MUC6: variants seen among roughly 807,000 people sequenced by gnomAD.
The protein encoded by MUC6 is mucin-6.
MUC6 carries 188 observed loss-of-function variants against 201.5 expected under a neutral mutation model. That is an observed-to-expected ratio of 0.93 (90% confidence interval 0.83 to 1.05). MUC6 has a LOEUF of 1.05. MUC6 is among the 50% of genes least tolerant of loss of function. The pLI is 0.00. For missense variants in MUC6, 2,706 were observed against 3,256.9 expected (o/e 0.83, Z 4.12); for synonymous variants, 1,228 against 1,389.4 (o/e 0.88, Z 2.58).
intron 29 of MUC6, chr11:1,019,878 C>G: frequency 1.4e-6 from 1 of 722,838 alleles, no homozygotes; most frequent in Non-Finnish European, 2.4e-6. Context: ...CAGCCAGCAG[C>G]AAGGAATGCC....
Position 1,018,717 on chromosome 11 carries a change from G to C in MUC6, c.4084C>G (p.Pro1362Ala), listed in dbSNP as rs766445736. ...PGTTATQTTG[P>A]RPTPASTTGP... is the part of the protein sequence containing the mutation. ...GTGGTGCTTGCTGGGGTTGGACGTG[G>C]GCCTGTCGTCTGGGTGGCCGTTGTT... Residue 1362 changes from proline to alanine, a missense_variant, in exon 31 of 33, where the codon CCA (proline) becomes GCA (alanine). Physicochemically the swap from Pro to Ala is conservative, Grantham distance 27 (BLOSUM62 -1). Transcript: ENST00000421673. The C allele has an allele frequency of 1.3e-5, 21 of 1,593,424 alleles. No homozygotes were observed. In the Admixed American group the frequency reaches 3.3e-4, roughly 25 times the overall value.
In MUC6 at chr11:1,032,049, C is replaced by T. The variant is rs200821848; in HGVS notation, c.120G>A (p.Pro40=). The change falls in exon 3 of 33, where the codon CCG becomes CCA. Residue 40 remains proline (P), a synonymous_variant. Coordinates refer to ENST00000421673, the MANE Select transcript of MUC6 (RefSeq NM_005961.3). ...QRLKDSPQTA[P]DKGQCSTWGA... ...CCCACGTGGAGCACTGGCCTTTGTC[C>T]GGGGCTACAGAGAGAGCAGTGCTCA... The T allele has an allele frequency of 3.8e-4, 605 of 1,613,000 alleles. No individual in the cohort carries two copies. Among genetic ancestry groups the T allele is most frequent in the Non-Finnish European group, 4.7e-4 (552 of 1,179,872 alleles).
intron 27 of MUC6, 128 bp from the exon 28 acceptor site, chr11:1,020,862 G>A (rs1856790493): frequency 1.6e-6 from 2 of 1,216,534 alleles, no homozygotes; most frequent in Non-Finnish European, 2.3e-6. Flanking sequence ...TGGAGGGGCT[G>A]GGAGCCCACC....
chr11:1,020,559 C>T lies in MUC6; in HGVS notation c.3640+125G>A, dbSNP rs1428305789. On this transcript the variant is annotated intron_variant, in intron 28 of 32. Coordinates refer to ENST00000421673, the MANE Select transcript of MUC6 (RefSeq NM_005961.3). Reference sequence around the variant, plus strand: ...CCCCAACTCTGATTGCCAGGTTAGACCTGAGAAGGGCACAGGTACTGCCTG... The same window carrying T: ...CCCCAACTCTGATTGCCAGGTTAGATCTGAGAAGGGCACAGGTACTGCCTG... 5 of 1,401,362 alleles carry T rather than the reference C, an allele frequency of 3.6e-6. No homozygotes were observed. The African/African-American group carries it at 4.2e-5, about 12-fold the overall frequency. 86.8% of individuals were successfully genotyped at this position (1,401,362 alleles called of 1,614,324 possible).
At chr11:1,024,513 G>A (rs1276119276) in intron 24 of MUC6, among the ~76,000 whole-genome samples, 1 of 152,216 alleles carries the variant, frequency 6.6e-6, no homozygotes, top group Non-Finnish European at 1.5e-5. Flanking sequence ...GGAAGTGCAC[G>A]CCCTGCATCC....
intron 30 of MUC6, 46 bp from the exon 31 acceptor site, chr11:1,018,816 T>C: frequency 6.6e-7 from 1 of 1,524,692 alleles, no homozygotes; most frequent in Non-Finnish European, 8.8e-7. Context: ...TTTGTTTCTC[T>C]ACCCTGACCT....
rs202167963 is a variant in MUC6, at chr11:1,029,582, G to T, written c.1049C>A (p.Thr350Asn). The change falls in exon 9 of 33, where the codon ACC becomes AAC. Residue 350 changes from threonine to asparagine, a missense_variant. This residue lies in a region of MUC6 where 1,850 missense variants were observed against 1,958.3 expected (regional missense o/e 0.94). Coordinates refer to ENST00000421673, the MANE Select transcript of MUC6 (RefSeq NM_005961.3). Reference protein sequence around the residue: ...TVLNDLSNNHTCVPVTQCPCV... With the variant: ...TVLNDLSNNHNCVPVTQCPCV... ...GGGGCACTGGGTGACGGGCACGCAGGTGTGGTTATTGGAGAGGTCATTCAG... is the reference window on the plus strand; with the variant it reads ...GGGGCACTGGGTGACGGGCACGCAGTTGTGGTTATTGGAGAGGTCATTCAG... 6.8e-6 allele frequency: 11 copies of T among 1,608,336 alleles called. No individual in the cohort carries two copies. The Admixed American group carries it at 8.4e-5, about 12-fold the overall frequency.
chr11:1,013,329 G>T lies in MUC6; in HGVS notation c.*127C>A. On this transcript the variant is annotated 3_prime_UTR_variant, in exon 33 of 33. Coordinates refer to ENST00000421673, the MANE Select transcript of MUC6 (RefSeq NM_005961.3). ...GGTGCCCCAGGGAGCCACGGCCCAG[G>T]GCACTTGGGGGCCAGGCCTGGTGAC... The T allele has an allele frequency of 9.5e-7, 1 of 1,048,408 alleles. No homozygotes were observed. Among genetic ancestry groups the T allele is most frequent in the Non-Finnish European group, 1.4e-6 (1 of 739,430 alleles). 64.9% of individuals were successfully genotyped at this position (1,048,408 alleles called of 1,614,324 possible). A position where few individuals can be genotyped will look rare whatever the true frequency, so the allele number is the denominator to read the frequency against.
At position 1,016,869 on chromosome 11, in the gene MUC6, A is replaced by C. The variant is rs35469308; in HGVS notation, c.5932T>G (p.Phe1978Val). Residue 1978 changes from phenylalanine (F) to valine (V), a missense_variant, in exon 31 of 33, where the codon TTC becomes GTC. Phe to Val is a conservative substitution (Grantham distance 50). Coordinates refer to ENST00000421673, the MANE Select transcript of MUC6 (RefSeq NM_005961.3). ...THSPPTGSSP[F>V]SSTGPMTATS... ...GCAGTCATAGGACCTGTGGAAGAGA[A>C]GGGACTGCTCCCTGTAGGTGGGGAG... 1.8e-3 allele frequency: 2,937 copies of C among 1,612,994 alleles called. No homozygotes were observed. The highest frequency in any genetic ancestry group is 7.9e-3 in the African/African-American group (594 of 74,866).
rs556691001 is a variant in MUC6 at position 1,033,179 on chromosome 11, C to T, written c.53-104G>A. The T allele has an allele frequency of 1.9e-4, 221 of 1,177,134 alleles. No homozygotes were observed. In the African/African-American group the frequency reaches 3.1e-3, roughly 16 times the overall value. 72.9% of individuals were successfully genotyped at this position (1,177,134 alleles called of 1,614,324 possible). A position where few individuals can be genotyped will look rare whatever the true frequency, so the allele number is the denominator to read the frequency against. ...CTCCGCCCGTTTCCCTGCACACACT[C>T]GGCGTGCGAGAAGTGTCCATGGCCC... On this transcript the variant is annotated intron_variant, in intron 1 of 32. Transcript: ENST00000421673. This position sits in a 1 kb window ranked among gnomAD's most constrained non-coding sequence, Gnocchi z 5.6.
rs768241392 is a variant in MUC6 at position 1,016,204 on chromosome 11, A to C, written c.6597T>G (p.Pro2199=). The part of the protein sequence containing the change: ...TASVSASPLF[P]SSPAASTTIR... Reference sequence around the variant, plus strand: ...TGGTAGTAGAGGCAGCTGGAGAAGAAGGAAAAAGAGGAGATGCAGACACTG... The same window carrying C: ...TGGTAGTAGAGGCAGCTGGAGAAGACGGAAAAAGAGGAGATGCAGACACTG... Residue 2199 remains proline, a synonymous_variant, in exon 31 of 33, where the codon CCT becomes CCG. Coordinates refer to ENST00000421673, the MANE Select transcript of MUC6 (RefSeq NM_005961.3). 13 of 1,613,238 alleles carry C rather than the reference A, an allele frequency of 8.1e-6. No individual in the cohort carries two copies. Among genetic ancestry groups the C allele is most frequent in the Non-Finnish European group, 1.1e-5 (13 of 1,179,652 alleles).
chr11:1,031,936 G>C lies in MUC6; in HGVS notation c.233C>G (p.Ala78Gly), dbSNP rs1317194565. ...NYIFAATCKD[A>G]FPTFSVQLRR... ...CAGCTGGACACTGAAGGTGGGGAAG[G>C]CGTCCTTGCAGGTGGCCGCGAAGAT... The change falls in exon 3 of 33, where the codon GCC (alanine) becomes GGC (glycine). Residue 78 changes from alanine (A) to glycine (G), a missense_variant. Around this residue, in one of 10 missense-constraint regions of MUC6, gnomAD observed 1,850 missense variants for 1,958.3 expected, o/e 0.94. Coordinates refer to ENST00000421673, the MANE Select transcript of MUC6 (RefSeq NM_005961.3). 2 of 1,613,506 alleles carry C rather than the reference G, an allele frequency of 1.2e-6. No individual in the cohort carries two copies. Among genetic ancestry groups the C allele is most frequent in the East Asian group, 2.2e-5 (1 of 44,878 alleles).
At chr11:1,020,060 T>C in intron 29 of MUC6, 30 bp downstream of exon 29, 1 of 1,610,320 alleles carries the variant, frequency 6.2e-7, no homozygotes, top group African/African-American at 1.3e-5. Context: ...GCAGCTGCCC[T>C]CTCCATGGGC....
At chr11:1,024,669 G>A (rs369468834) in intron 24 of MUC6, among the ~76,000 whole-genome samples, 175 bp downstream of exon 24, 6 of 152,308 alleles carry the variant, frequency 3.9e-5, no homozygotes, top group South Asian at 2.1e-4. Flanking sequence ...TGCACGAGTC[G>A]GCCCCACATC....
chr11:1,028,187 T>TG (rs747221064), intron 14 of MUC6, 39 bp downstream of exon 14: 39 of 1,543,244 alleles, frequency 2.5e-5, no homozygotes, highest in South Asian at 7.2e-5. Flanking sequence ...CTGTGGGCGC[T>TG]GGGGGGGCAG....
intron 28 of MUC6, 84 bp downstream of exon 28, chr11:1,020,600 C>A: frequency 6.3e-7 from 1 of 1,579,520 alleles, no homozygotes. Context: ...TCCCTGCTTC[C>A]CACCCGACAG....
In MUC6 at chr11:1,029,315, G is replaced by T. The variant is rs1446510934; in HGVS notation, c.1188C>A (p.His396Gln). ...WVCTERPCPGHCSLEGGSFVT... is the reference protein window; with the variant it reads ...WVCTERPCPGQCSLEGGSFVT... ...CAAAGGAGCCACCTTCCAGGGAGCA[G>T]TGTCCGGGGCACGGCCGCTCCGTGC... Residue 396 changes from histidine (H) to glutamine (Q), a missense_variant, in exon 10 of 33, where the codon CAC becomes CAA. Transcript: ENST00000421673. 6.2e-7 allele frequency: 1 copy of T among 1,606,164 alleles called. No homozygotes were observed. Among genetic ancestry groups the T allele is most frequent in the Admixed American group, 1.7e-5 (1 of 59,002 alleles).
At position 1,025,213 on chromosome 11, in the gene MUC6, G is replaced by A. The variant is rs377091271; in HGVS notation, c.2954C>T (p.Thr985Ile). Residue 985 changes from threonine (T) to isoleucine (I), a missense_variant, in exon 23 of 33, where the codon ACC becomes ATC. Around this residue, in one of 10 missense-constraint regions of MUC6, gnomAD observed 1,850 missense variants for 1,958.3 expected, o/e 0.94. Transcript: ENST00000421673. Reference protein sequence around the residue: ...NLTLIWNRHMTILIRIARASQ... With the variant: ...NLTLIWNRHMIILIRIARASQ... ...GGCACGGGCGATCCTGATGAGGATG[G>A]TCATGTGCCTGTTCCAGATGAGCGT... 3.7e-6 allele frequency: 6 copies of A among 1,612,784 alleles called. No homozygotes were observed. The highest frequency in any genetic ancestry group is 1.3e-5 in the African/African-American group (1 of 75,058).
At position 1,027,801 on chromosome 11, in the gene MUC6, G is replaced by T; in HGVS notation, c.1865C>A (p.Ala622Asp). 2 of 1,610,922 alleles carry T rather than the reference G, an allele frequency of 1.2e-6. No individual in the cohort carries two copies. Among genetic ancestry groups the T allele is most frequent in the Non-Finnish European group, 8.5e-7 (1 of 1,179,472 alleles). Residue 622 changes from alanine to aspartate, a missense_variant, in exon 16 of 33, where the codon GCC becomes GAC. Transcript: ENST00000421673. ...APFYKRCVYQ[A>D]CNYEETFPHI... ...GGGAAAGGTCTCCTCGTAGTTGCAG[G>T]CCTGGTACACGCACCTCTGCGGGCA...
Sources: allele counts gnomAD v4.1 joint callset (sites outside exome capture counted in the v4.1 genomes callset), GRCh38; gene constraint gnomAD v4.1.1; regional missense constraint gnomAD v4.1.1; non-coding constraint Gnocchi (gnomAD v3.1); transcripts MANE v1.5; gene names NCBI Gene and HGNC (gene_info 2026-07-23, HGNC 2026-07-21).